The following MAPK7 variants were observed in gnomAD, a reference collection of about 807,000 sequenced individuals.
MAPK7 encodes BMK-1.
Under a neutral mutation model 56.9 loss-of-function variants are expected in MAPK7, and 30 were observed. That is an observed-to-expected ratio of 0.53 (90% CI 0.39 to 0.72). MAPK7 has a LOEUF of 0.72. MAPK7 is among the 30% of genes least tolerant of loss of function. The pLI is 0.00. For missense variants in MAPK7, 952 were observed against 1,110.8 expected (o/e 0.86, Z 2.03); for synonymous variants, 516 against 449.3 (o/e 1.15, Z -1.88).
In MAPK7 at chr17:19,382,258, C is replaced by T. The variant is rs1912772272; in HGVS notation, c.1955C>T (p.Pro652Leu). 14 of 1,612,392 alleles carry T rather than the reference C, an allele frequency of 8.7e-6. No homozygotes were observed. The highest frequency in any genetic ancestry group is 1.2e-5 in the Non-Finnish European group (14 of 1,179,788). ...GGCCCTCCTGGGCCCATCCCTGTCC[C>T]CGCGCCACCCCAGATTGCCACCTCC... is the stretch of plus-strand genomic sequence containing the variant. ...PTGPPGPIPV[P>L]APPQIATSTS... The change falls in exon 5 of 7, where the codon CCC becomes CTC. Residue 652 changes from proline to leucine, a missense_variant. Physicochemically the swap from Pro to Leu is moderately conservative, Grantham distance 98. Transcript: ENST00000395604.
rs967463884 is a variant in MAPK7, at chr17:19,381,880, A to G, written c.1577A>G (p.Glu526Gly). ...GAGGAGAAGCGGCGGAGGCGGCAAG[A>G]ACGAGCCAAGGAGCGGGAGAAACGG... ...EREEKRRRRQ[E>G]RAKEREKRRQ... The change falls in exon 5 of 7, where the codon GAA becomes GGA. Residue 526 changes from glutamate (E) to glycine (G), a missense_variant. Physicochemically the swap from Glu to Gly is moderately conservative, Grantham distance 98. Transcript: ENST00000395604. This position sits in a 1 kb window ranked among gnomAD's most constrained non-coding sequence, Gnocchi z 4.6. 3.3e-5 allele frequency: 52 copies of G among 1,573,882 alleles called. No individual in the cohort carries two copies. Among genetic ancestry groups the G allele is most frequent in the Non-Finnish European group, 4.4e-5 (51 of 1,159,456 alleles).
In MAPK7 at chr17:19,382,268, C is replaced by G; in HGVS notation, c.1965C>G (p.Pro655=). ...GGCCCATCCCTGTCCCCGCGCCACC[C>G]CAGATTGCCACCTCCACCAGCCTCC... is the stretch of plus-strand genomic sequence containing the variant. ...PPGPIPVPAP[P]QIATSTSLLA... Residue 655 remains proline, a synonymous_variant, in exon 5 of 7, where the codon CCC becomes CCG. Transcript: ENST00000395604. 1 of 1,612,698 alleles carries G rather than the reference C, an allele frequency of 6.2e-7. No individual in the cohort carries two copies. Among genetic ancestry groups the G allele is most frequent in the Non-Finnish European group, 8.5e-7 (1 of 1,179,908 alleles).
chr17:19,382,702 C>G lies in MAPK7; in HGVS notation c.2164-111C>G, dbSNP rs181138364. 3.4e-6 allele frequency: 5 copies of G among 1,468,576 alleles called. No homozygotes were observed. The African/African-American group carries it at 4.2e-5, about 12-fold the overall frequency. The allele number at this position is 1,468,576 out of a possible 1,614,324, so 91.0% of individuals were successfully genotyped here. A position where few individuals can be genotyped will look rare whatever the true frequency, so the allele number is the denominator to read the frequency against. On this transcript the variant is annotated intron_variant, in intron 5 of 6. Coordinates refer to ENST00000395604, the MANE Select transcript of MAPK7 (RefSeq NM_002749.4). ...GGGCCAGCCAGCACTCACTGACTGC[C>G]GAGACTGGTGTTAGCACTCCCAGAT...
At position 19,379,842 on chromosome 17, in the gene MAPK7, G is replaced by A; in HGVS notation, c.293G>A (p.Arg98Gln). 1 of 1,614,194 alleles carries A rather than the reference G, an allele frequency of 6.2e-7. No individual in the cohort carries two copies. The highest frequency in any genetic ancestry group is 1.1e-5 in the South Asian group (1 of 91,088). Reference protein sequence around the residue: ...NAFDVVTNAKRTLRELKILKH... With the variant: ...NAFDVVTNAKQTLRELKILKH... ...TTCGATGTGGTGACCAATGCCAAGC[G>A]GACCCTCAGGGAGCTGAAGATCCTC... Residue 98 changes from arginine (R) to glutamine (Q), a missense_variant, in exon 3 of 7, where the codon CGG (arginine) becomes CAG (glutamine). This residue lies in a region of MAPK7 where 213 missense variants were observed against 243.2 expected (regional missense o/e 0.88). Coordinates refer to ENST00000395604, the MANE Select transcript of MAPK7 (RefSeq NM_002749.4).
Position 19,382,355 on chromosome 17 carries a change from G to T in MAPK7, c.2052G>T (p.Leu684Phe). Reference sequence around the variant, plus strand: ...CTGGCTCCAGCACCCCAGGAGTTTTGCCTTACTTCCCACCTGGCCTGCCGC... The same window carrying T: ...CTGGCTCCAGCACCCCAGGAGTTTTTCCTTACTTCCCACCTGGCCTGCCGC... ...GLPGSSTPGV[L>F]PYFPPGLPPP... The change falls in exon 5 of 7, where the codon TTG (leucine) becomes TTT (phenylalanine). Residue 684 changes from leucine to phenylalanine, a missense_variant. Leu to Phe is a conservative substitution (Grantham distance 22). Transcript: ENST00000395604. 1 of 1,613,480 alleles carries T rather than the reference G, an allele frequency of 6.2e-7. No homozygotes were observed. The highest frequency in any genetic ancestry group is 8.5e-7 in the Non-Finnish European group (1 of 1,180,016).
Position 19,381,548 on chromosome 17 carries a change from G to C in MAPK7, c.1339G>C (p.Asp447His). ...APPPCPGPAPDTIDLTLQPPP... is the reference protein window; with the variant it reads ...APPPCPGPAPHTIDLTLQPPP... ...GCCACCATGCCCCGGCCCTGCACCT[G>C]ACACCATTGATCTGACCCTGCAGCC... Residue 447 changes from aspartate to histidine, a missense_variant, in exon 4 of 7, where the codon GAC becomes CAC. By Grantham distance (81) the Asp-to-His change is moderately conservative. Transcript: ENST00000395604. This position sits in a 1 kb window ranked among gnomAD's most constrained non-coding sequence, Gnocchi z 4.6. 1 of 1,613,588 alleles carries C rather than the reference G, an allele frequency of 6.2e-7. No homozygotes were observed.
Position 19,381,095 on chromosome 17 carries a change from G to T in MAPK7, c.886G>T (p.Ala296Ser), listed in dbSNP as rs147296805. 4.3e-6 allele frequency: 7 copies of T among 1,613,996 alleles called. No homozygotes were observed. Among genetic ancestry groups the T allele is most frequent in the South Asian group, 1.1e-5 (1 of 91,084 alleles). Residue 296 changes from alanine (A) to serine (S), a missense_variant, in exon 4 of 7, where the codon GCC (alanine) becomes TCC (serine). This residue lies in a region of MAPK7 where 429 missense variants were observed against 533.0 expected (regional missense o/e 0.80). Coordinates refer to ENST00000395604, the MANE Select transcript of MAPK7 (RefSeq NM_002749.4). This position sits in a 1 kb window ranked among gnomAD's most constrained non-coding sequence, Gnocchi z 4.6. ...GGCTGTGGGGGCTGAGAGGGTGCGG[G>T]CCTATATCCAGAGCTTGCCACCACG... Reference protein sequence around the residue: ...IQAVGAERVRAYIQSLPPRQP... With the variant: ...IQAVGAERVRSYIQSLPPRQP...
At position 19,378,569 on chromosome 17, in the gene MAPK7, C is replaced by T; in HGVS notation, c.-67C>T. The T allele has an allele frequency of 8.2e-7, 1 of 1,215,984 alleles. No homozygotes were observed. The highest frequency in any genetic ancestry group is 1.0e-6 in the Non-Finnish European group (1 of 970,942). 75.3% of individuals were successfully genotyped at this position (1,215,984 alleles called of 1,614,324 possible). Reference sequence around the variant, plus strand: ...TAAGTGAGCCACCCTCGGAGACCCCCGCGCTGGGGACGGGAGGCCGGCGAG... The same window carrying T: ...TAAGTGAGCCACCCTCGGAGACCCCTGCGCTGGGGACGGGAGGCCGGCGAG... On this transcript the variant is annotated 5_prime_UTR_variant, in exon 1 of 7. Transcript: ENST00000395604. The surrounding 1 kb of genome is among the most constrained non-coding windows in gnomAD (Gnocchi z 5.4).
In MAPK7 at chr17:19,378,743, C is replaced by T. The variant is rs941515779; in HGVS notation, c.-6+113C>T. ...GGGCCCCCGGCTCTGGGCCCGGACC[C>T]CTGGGGTAGCTAGTCTGCCACGAAC... On this transcript the variant is annotated intron_variant, in intron 1 of 6. Coordinates refer to ENST00000395604, the MANE Select transcript of MAPK7 (RefSeq NM_002749.4). This position sits in a 1 kb window ranked among gnomAD's most constrained non-coding sequence, Gnocchi z 5.4. 4 of 1,326,502 alleles carry T rather than the reference C, an allele frequency of 3.0e-6. No homozygotes were observed. The African/African-American group carries it at 4.5e-5, about 15-fold the overall frequency. The allele number at this position is 1,326,502 out of a possible 1,614,324, so 82.2% of individuals were successfully genotyped here.
In MAPK7 at chr17:19,382,166, G is replaced by A. The variant is rs2233080; in HGVS notation, c.1863G>A (p.Ala621=). ...AQPTGPQPQS[A]GSTSGPVPQP... ...CCACTGGCCCGCAACCACAATCTGC[G>A]GGCTCTACCTCTGGCCCTGTACCCC... The change falls in exon 5 of 7, where the codon GCG becomes GCA. Residue 621 remains alanine (A), a synonymous_variant. Transcript: ENST00000395604. The A allele has an allele frequency of 8.5e-4, 1,373 of 1,612,150 alleles. 1 individual carries two copies. The highest frequency in any genetic ancestry group is 2.3e-3 in the Admixed American group (135 of 59,994).
Position 19,379,771 on chromosome 17 carries a change from C to T in MAPK7, c.233-11C>T. On this transcript the variant is annotated splice_polypyrimidine_tract_variant and intron_variant, in intron 2 of 6. Coordinates refer to ENST00000395604, the MANE Select transcript of MAPK7 (RefSeq NM_002749.4). ...GTATCCTCTGGTATGTCCCTTTTCC[C>T]TGCTCCTCAGGCCAGCAGGTGGCCA... 2 of 1,613,268 alleles carry T rather than the reference C, an allele frequency of 1.2e-6. No individual in the cohort carries two copies. The highest frequency in any genetic ancestry group is 2.2e-5 in the East Asian group (1 of 44,882).
intron 2 of MAPK7, chr17:19,379,509 A>T (rs1912448796): frequency 1.8e-6 from 1 of 561,900 alleles, no homozygotes; most frequent in African/African-American, 1.9e-5. Context: ...GAGCTACACC[A>T]CTGGGCATCC....
rs760947701 is a variant in MAPK7 at position 19,381,717 on chromosome 17, G to A, written c.1477+31G>A. ...TTGTGGGCAGGTCGGGTGGGCAGAG[G>A]GGAGACTTGGACTTGGACAAGGCTT... On this transcript the variant is annotated intron_variant, in intron 4 of 6. Coordinates refer to ENST00000395604, the MANE Select transcript of MAPK7 (RefSeq NM_002749.4). This position sits in a 1 kb window ranked among gnomAD's most constrained non-coding sequence, Gnocchi z 4.6. 5 of 1,549,080 alleles carry A rather than the reference G, an allele frequency of 3.2e-6. No homozygotes were observed. The African/African-American group carries it at 6.9e-5, about 21-fold the overall frequency.
At chr17:19,379,510 C>T (rs1242723138) in intron 2 of MAPK7, 1 of 561,722 alleles carries the variant, frequency 1.8e-6, no homozygotes, top group Admixed American at 3.3e-5. Flanking sequence ...AGCTACACCA[C>T]TGGGCATCCG....
Position 19,379,074 on chromosome 17 carries a change from C to G in MAPK7, c.174C>G (p.Ile58Met), listed in dbSNP as rs778545740. 1 of 1,614,122 alleles carries G rather than the reference C, an allele frequency of 6.2e-7. No homozygotes were observed. Among genetic ancestry groups the G allele is most frequent in the East Asian group, 2.2e-5 (1 of 44,892 alleles). The change falls in exon 2 of 7, where the codon ATC (isoleucine) becomes ATG (methionine). Residue 58 changes from isoleucine (I) to methionine (M), a missense_variant. Ile to Met is a conservative substitution (Grantham distance 10). This residue lies in a region of MAPK7 where 213 missense variants were observed against 243.2 expected (regional missense o/e 0.88). Transcript: ENST00000395604. ...ACGTGGGCGACGAGTACGAGATCAT[C>G]GAGACCATAGGCAACGGGGCCTATG... ...TFDVGDEYEIIETIGNGAYGV... is the reference protein window; with the variant it reads ...TFDVGDEYEIMETIGNGAYGV...
chr17:19,381,057 C>T lies in MAPK7; in HGVS notation c.848C>T (p.Pro283Leu), dbSNP rs770842877. 33 of 1,614,014 alleles carry T rather than the reference C, an allele frequency of 2.0e-5. No homozygotes were observed. The African/African-American group carries it at 4.1e-4, about 20-fold the overall frequency. Residue 283 changes from proline to leucine, a missense_variant, in exon 4 of 7, where the codon CCA becomes CTA. Pro to Leu is a moderately conservative substitution (Grantham distance 98). Coordinates refer to ENST00000395604, the MANE Select transcript of MAPK7 (RefSeq NM_002749.4). The surrounding 1 kb of genome is among the most constrained non-coding windows in gnomAD (Gnocchi z 4.6). ...ATGATGGTGCTGGGTACCCCATCACCAGCCGTGATTCAGGCTGTGGGGGCT... is the reference window on the plus strand; with the variant it reads ...ATGATGGTGCTGGGTACCCCATCACTAGCCGTGATTCAGGCTGTGGGGGCT... ...LIMMVLGTPS[P>L]AVIQAVGAER... is the part of the protein sequence containing the mutation.
rs779147478 is a variant in MAPK7, at chr17:19,381,230, G to T, written c.1021G>T (p.Ala341Ser). The T allele has an allele frequency of 6.2e-7, 1 of 1,614,140 alleles. No homozygotes were observed. The highest frequency in any genetic ancestry group is 8.5e-7 in the Non-Finnish European group (1 of 1,180,044). Reference sequence around the variant, plus strand: ...CAGCGCTCGCATCTCAGCAGCTGCTGCCCTTCGCCACCCTTTCCTGGCCAA... The same window carrying T: ...CAGCGCTCGCATCTCAGCAGCTGCTTCCCTTCGCCACCCTTTCCTGGCCAA... ...EPSARISAAAALRHPFLAKYH... is the reference protein window; with the variant it reads ...EPSARISAAASLRHPFLAKYH... Residue 341 changes from alanine (A) to serine (S), a missense_variant, in exon 4 of 7, where the codon GCC becomes TCC. Physicochemically the swap from Ala to Ser is moderately conservative, Grantham distance 99. This residue lies in a region of MAPK7 where 429 missense variants were observed against 533.0 expected (regional missense o/e 0.80). Coordinates refer to ENST00000395604, the MANE Select transcript of MAPK7 (RefSeq NM_002749.4). This position sits in a 1 kb window ranked among gnomAD's most constrained non-coding sequence, Gnocchi z 4.6.
At chr17:19,379,578 G>A (rs1252306927) in intron 2 of MAPK7, 2 of 594,434 alleles carry the variant, frequency 3.4e-6, no homozygotes, top group Non-Finnish European at 3.0e-6. Flanking sequence ...TGACCTATTG[G>A]GACCTGCCCC....
Position 19,380,841 on chromosome 17 carries a change from C to T in MAPK7, c.632C>T (p.Pro211Leu). ...FGMARGLCTSPAEHQYFMTEY... is the reference protein window; with the variant it reads ...FGMARGLCTSLAEHQYFMTEY... ...ATGGCTCGTGGCCTGTGCACCTCGC[C>T]CGCTGAACATCAGTACTTCATGACT... The change falls in exon 4 of 7, where the codon CCC becomes CTC. Residue 211 changes from proline (P) to leucine (L), a missense_variant. Pro to Leu is a moderately conservative substitution (Grantham distance 98). Around this residue, in one of 5 missense-constraint regions of MAPK7, gnomAD observed 429 missense variants for 533.0 expected, o/e 0.80. Transcript: ENST00000395604. 2 of 1,613,726 alleles carry T rather than the reference C, an allele frequency of 1.2e-6. No homozygotes were observed. Among genetic ancestry groups the T allele is most frequent in the Non-Finnish European group, 1.7e-6 (2 of 1,179,770 alleles).
Sources: allele counts gnomAD v4.1 joint callset, GRCh38; gene constraint gnomAD v4.1.1; regional missense constraint gnomAD v4.1.1; non-coding constraint Gnocchi (gnomAD v3.1); transcripts MANE v1.5; gene names NCBI Gene and HGNC (gene_info 2026-07-23, HGNC 2026-07-21).